DUXA: variants seen among roughly 807,000 people sequenced by gnomAD.
DUXA encodes double homeobox A, also known as double homeobox protein A.
Under a neutral mutation model 27.5 loss-of-function variants are expected in DUXA, and 25 were observed. That is an observed-to-expected ratio of 0.91 (90% confidence interval 0.66 to 1.27). The LOEUF (loss-of-function observed/expected upper bound fraction) is 1.27. Among genes scored for constraint, DUXA ranks in the 50% most tolerant of loss-of-function variants. The probability of loss-of-function intolerance (pLI) is 0.00; values close to 1 mark genes in which losing one functional copy is unlikely to be tolerated. For missense variants in DUXA, 247 were observed against 242.9 expected (o/e 1.02, Z -0.11); for synonymous variants, 90 against 80.5 (o/e 1.12, Z -0.63).
In DUXA at chr19:57,160,706, G is replaced by A. The variant is rs765309865; in HGVS notation, c.117C>T (p.Tyr39=). The A allele has an allele frequency of 2.2e-5, 36 of 1,613,946 alleles. No homozygotes were observed. The highest frequency in any genetic ancestry group is 2.4e-5 in the Non-Finnish European group (28 of 1,180,060). The change falls in exon 2 of 6, where the codon TAC becomes TAT. Residue 39 remains tyrosine (Y), a synonymous_variant. Coordinates refer to ENST00000554048, the MANE Select transcript of DUXA (RefSeq NM_001012729.2). ...ILINTFNQKP[Y]PGYATKQKLA... is the part of the protein sequence containing the mutation. ...GTTTTTGTTTGGTAGCATAACCTGG[G>A]TAAGGCTTTTGATTGAAGGTATTGA...
At chr19:57,167,274 ACAT>A (rs1291035537) in intron 1 of DUXA, 142 bp downstream of exon 1, 6 of 961,488 alleles carry the variant, frequency 6.2e-6, no homozygotes, top group Non-Finnish European at 9.7e-6. Flanking sequence ...TCATAATATC[ACAT>A]CAGAGAAACC....
chr19:57,160,202 G>A (rs757515074), intron 2 of DUXA, among the ~76,000 whole-genome samples: 9 of 152,046 alleles, frequency 5.9e-5, no homozygotes, highest in Non-Finnish European at 1.2e-4. Flanking sequence ...TCAAGGCTTC[G>A]GTGAGCCTTG....
rs1168378875 is a variant in DUXA, at chr19:57,158,476, A to G, written c.293-3T>C. The G allele has an allele frequency of 1.9e-6, 3 of 1,611,258 alleles. No individual in the cohort carries two copies. The highest frequency in any genetic ancestry group is 1.7e-5 in the Admixed American group (1 of 59,960). On this transcript the variant is annotated splice_polypyrimidine_tract_variant and splice_region_variant and intron_variant, in intron 3 of 5. Coordinates refer to ENST00000554048, the MANE Select transcript of DUXA (RefSeq NM_001012729.2). ...ACGACACCGTCTGGCTTCTCTACCTAGGGAAGGCATGGAAAGATGGAGGGG... is the reference window on the plus strand; with the variant it reads ...ACGACACCGTCTGGCTTCTCTACCTGGGGAAGGCATGGAAAGATGGAGGGG...
intron 4 of DUXA, among the ~76,000 whole-genome samples, chr19:57,155,587 A>G (rs2122687809): frequency 6.6e-6 from 1 of 151,414 alleles, no homozygotes; most frequent in East Asian, 1.9e-4. Flanking sequence ...TGAACTTCTG[A>G]GCACAACCAA....
chr19:57,161,456 T>C (rs2087022391), intron 1 of DUXA, among the ~76,000 whole-genome samples: 1 of 149,400 alleles, frequency 6.7e-6, no homozygotes, highest in Non-Finnish European at 1.5e-5. Context: ...ACCCCGTCTC[T>C]ACTAAAAATA....
intron 1 of DUXA, among the ~76,000 whole-genome samples, chr19:57,165,396 C>T (rs1316278490): frequency 6.8e-6 from 1 of 147,420 alleles, no homozygotes; most frequent in African/African-American, 2.5e-5. Context: ...TAACACTTTA[C>T]CTTCTCCACA....
chr19:57,161,483 C>G (rs529358924), intron 1 of DUXA, among the ~76,000 whole-genome samples: 1 of 149,532 alleles, frequency 6.7e-6, no homozygotes, highest in African/African-American at 2.5e-5. Context: ...ATTAGCCGGG[C>G]GCAGTGGCGG....
chr19:57,165,675 G>T (rs2087050158), intron 1 of DUXA, among the ~76,000 whole-genome samples: 1 of 151,478 alleles, frequency 6.6e-6, no homozygotes, highest in Admixed American at 6.6e-5. Flanking sequence ...CGTGGTGGCG[G>T]GCGTCTGTAG....
chr19:57,154,525 C>T, intron 5 of DUXA, 43 bp from the exon 6 acceptor site: 2 of 1,476,606 alleles, frequency 1.4e-6, no homozygotes, highest in East Asian at 2.3e-5. Context: ...AAGAGATCAG[C>T]TTATATTCAC....
intron 1 of DUXA, among the ~76,000 whole-genome samples, chr19:57,162,482 G>C (rs767186123): frequency 4.6e-5 from 7 of 152,224 alleles, no homozygotes; most frequent in Non-Finnish European, 1.0e-4. Flanking sequence ...AGAGATGCTA[G>C]AAGTTCAGTT....
In DUXA at chr19:57,158,475, T is replaced by C. The variant is rs2087003654; in HGVS notation, c.293-2A>G. 6.2e-7 allele frequency: 1 copy of C among 1,611,306 alleles called. No homozygotes were observed. The highest frequency in any genetic ancestry group is 8.5e-7 in the Non-Finnish European group (1 of 1,177,766). On this transcript the variant is annotated splice_acceptor_variant, in intron 3 of 5. Coordinates refer to ENST00000554048, the MANE Select transcript of DUXA (RefSeq NM_001012729.2). LOFTEE classifies it high-confidence loss of function. ...TACGACACCGTCTGGCTTCTCTACC[T>C]AGGGAAGGCATGGAAAGATGGAGGG...
At chr19:57,158,695 G>A (rs1237250585) in intron 3 of DUXA, among the ~76,000 whole-genome samples, 1 of 152,064 alleles carries the variant, frequency 6.6e-6, no homozygotes, top group Admixed American at 6.6e-5. Flanking sequence ...AAAGAAAGTA[G>A]GCAAGAGGCC....
chr19:57,164,196 C>G (rs1259305403), intron 1 of DUXA, among the ~76,000 whole-genome samples: 1 of 152,186 alleles, frequency 6.6e-6, no homozygotes, highest in Non-Finnish European at 1.5e-5. Context: ...AAGATAATTC[C>G]TCATGACCAC....
At chr19:57,158,724 C>T (rs2087005059) in intron 3 of DUXA, among the ~76,000 whole-genome samples, 1 of 152,142 alleles carries the variant, frequency 6.6e-6, no homozygotes, top group Admixed American at 6.6e-5. Context: ...TGGCTCACGC[C>T]TGTAATGCCG....
intron 4 of DUXA, among the ~76,000 whole-genome samples, chr19:57,157,133 A>T (rs919289649): frequency 6.6e-6 from 1 of 152,234 alleles, no homozygotes; most frequent in African/African-American, 2.4e-5. Context: ...ACACGAGACG[A>T]GGAAAGTAAA....
chr19:57,160,814 AAAG>A lies in DUXA; in HGVS notation c.26-20_26-18del, dbSNP rs761966168. On this transcript the variant is annotated intron_variant, in intron 1 of 5. Coordinates refer to ENST00000554048, the MANE Select transcript of DUXA (RefSeq NM_001012729.2). The stretch of plus-strand genomic sequence containing the variant: ...TTACCATCTCTGTAGGAAGATTACA[AAAG>A]AAGAAGCATGTAATAGGTTAATTTA... 43 of 1,612,714 alleles carry A rather than the reference AAAG, an allele frequency of 2.7e-5. No homozygotes were observed. Among genetic ancestry groups the A allele is most frequent in the Admixed American group, 3.3e-5 (2 of 59,848 alleles).
chr19:57,164,016 G>C (rs1196935004), intron 1 of DUXA, among the ~76,000 whole-genome samples: 1 of 152,026 alleles, frequency 6.6e-6, no homozygotes, highest in Non-Finnish European at 1.5e-5. Context: ...AGGAGTTCAA[G>C]ACTATCCTGG....
At chr19:57,161,732 A>T (rs946887237) in intron 1 of DUXA, among the ~76,000 whole-genome samples, 2 of 152,186 alleles carry the variant, frequency 1.3e-5, no homozygotes, top group Non-Finnish European at 2.9e-5. Context: ...GTTCATATGG[A>T]TTAGAAACAA....
chr19:57,161,780 A>T (rs1029727276), intron 1 of DUXA, among the ~76,000 whole-genome samples: 2 of 152,230 alleles, frequency 1.3e-5, no homozygotes, highest in African/African-American at 2.4e-5. Flanking sequence ...CATTGTAGTG[A>T]TGAAACCATA....
Sources: allele counts gnomAD v4.1 joint callset (sites outside exome capture counted in the v4.1 genomes callset), GRCh38; gene constraint gnomAD v4.1.1; transcripts MANE v1.5; gene names NCBI Gene and HGNC (gene_info 2026-07-23, HGNC 2026-07-21).